AMER3: variants seen among roughly 807,000 people sequenced by gnomAD.
The protein encoded by AMER3 is APC membrane recruitment protein 3.
For synonymous variants in AMER3, 541 were observed against 485.5 expected (o/e 1.11, Z -1.50); for missense variants, 1,201 against 1,139.4 (o/e 1.05, Z -0.78).
rs769962147 is a variant in AMER3, at chr2:130,763,904, G to C, written c.1832G>C (p.Gly611Ala). 3.1e-6 allele frequency: 5 copies of C among 1,613,632 alleles called. No homozygotes were observed. Among genetic ancestry groups the C allele is most frequent in the Non-Finnish European group, 4.2e-6 (5 of 1,180,030 alleles). Reference protein sequence around the residue: ...REEETRGHSEGLFSSMESAAT... With the variant: ...REEETRGHSEALFSSMESAAT... The stretch of plus-strand genomic sequence containing the variant: ...GAAGAGACACGAGGTCACTCTGAAG[G>C]CTTGTTCTCCTCTATGGAGTCTGCA... The change falls in exon 2 of 2, where the codon GGC (glycine) becomes GCC (alanine). Residue 611 changes from glycine to alanine, a missense_variant. Physicochemically the swap from Gly to Ala is moderately conservative, Grantham distance 60. Coordinates refer to ENST00000321420, the MANE Select transcript of AMER3 (RefSeq NM_152698.3).
rs1678997067 is a variant in AMER3, at chr2:130,766,867, T to A, written c.*2209T>A. 6.0e-6 allele frequency: 1 copy of A among 167,032 alleles called. No individual in the cohort carries two copies. Among genetic ancestry groups the A allele is most frequent in the Non-Finnish European group, 1.5e-5 (1 of 68,132 alleles). 10.3% of individuals were successfully genotyped at this position (167,032 alleles called of 1,614,324 possible). On this transcript the variant is annotated 3_prime_UTR_variant, in exon 2 of 2. Transcript: ENST00000321420. ...CCCTTGTTGATGGGCAGTGCTAGATTATTTGTCACGAATCATCCCCTACAA... is the reference window on the plus strand; with the variant it reads ...CCCTTGTTGATGGGCAGTGCTAGATAATTTGTCACGAATCATCCCCTACAA...
In AMER3 at chr2:130,762,533, A is replaced by G. The variant is rs147347105; in HGVS notation, c.461A>G (p.Lys154Arg). Residue 154 changes from lysine to arginine, a missense_variant, in exon 2 of 2, where the codon AAG becomes AGG. By Grantham distance (26) the Lys-to-Arg change is conservative. Coordinates refer to ENST00000321420, the MANE Select transcript of AMER3 (RefSeq NM_152698.3). ...ATCCCGAGGAAGAGGATTTCCCTGA[A>G]GAGGCCCAAGAAGTGCTTTCGGAAC... ...KSIPRKRISLKRPKKCFRNLF... is the reference protein window; with the variant it reads ...KSIPRKRISLRRPKKCFRNLF... 95 of 1,613,358 alleles carry G rather than the reference A, an allele frequency of 5.9e-5. No homozygotes were observed. Among genetic ancestry groups the G allele is most frequent in the Non-Finnish European group, 7.4e-5 (87 of 1,180,016 alleles).
chr2:130,764,975 A>AC lies in AMER3; in HGVS notation c.*317_*318insC, dbSNP rs761947942. The AC allele has an allele frequency of 8.1e-5, 24 of 297,176 alleles. No individual in the cohort carries two copies. Among genetic ancestry groups the AC allele is most frequent in the Non-Finnish European group, 1.4e-4 (21 of 149,912 alleles). 18.4% of individuals were successfully genotyped at this position (297,176 alleles called of 1,614,324 possible). On this transcript the variant is annotated 3_prime_UTR_variant, in exon 2 of 2. Coordinates refer to ENST00000321420, the MANE Select transcript of AMER3 (RefSeq NM_152698.3). ...TGCACATTGTAAATGGGAAGCAGAG[A>AC]GCCAATGAGTCTGCCTGGGATGTGT... is the stretch of plus-strand genomic sequence containing the variant.
Position 130,764,652 on chromosome 2 carries a change from T to C in AMER3, c.2580T>C (p.His860=). 1.2e-6 allele frequency: 2 copies of C among 1,601,726 alleles called. No individual in the cohort carries two copies. The highest frequency in any genetic ancestry group is 2.2e-5 in the East Asian group (1 of 44,772). Residue 860 remains histidine, a synonymous_variant, in exon 2 of 2, where the codon CAT becomes CAC. Coordinates refer to ENST00000321420, the MANE Select transcript of AMER3 (RefSeq NM_152698.3). ...GASGPAMAEP[H]L is the part of the protein sequence containing the mutation. Reference sequence around the variant, plus strand: ...CTGGGCCAGCCATGGCTGAGCCCCATCTGTAGGACAGGCTCACATGCACCA... The same window carrying C: ...CTGGGCCAGCCATGGCTGAGCCCCACCTGTAGGACAGGCTCACATGCACCA...
rs1464940911 is a variant in AMER3, at chr2:130,762,630, C to T, written c.558C>T (p.Ser186=). 25 of 1,611,906 alleles carry T rather than the reference C, an allele frequency of 1.6e-5. No individual in the cohort carries two copies. Among genetic ancestry groups the T allele is most frequent in the Non-Finnish European group, 2.1e-5 (25 of 1,179,920 alleles). ...SLAAEGKSLP[S]PGDPSDPGGR... is the part of the protein sequence containing the mutation. ...CGGCCGAGGGGAAAAGCCTGCCCTC[C>T]CCAGGGGACCCGTCAGACCCTGGGG... The change falls in exon 2 of 2, where the codon TCC becomes TCT. Residue 186 remains serine (S), a synonymous_variant. Coordinates refer to ENST00000321420, the MANE Select transcript of AMER3 (RefSeq NM_152698.3).
chr2:130,764,348 C>T lies in AMER3; in HGVS notation c.2276C>T (p.Pro759Leu). ...VQDLSWLRVE[P>L]TGLGVQAWAS... ...GACCTGAGCTGGCTCAGGGTGGAGCCCACCGGGCTAGGTGTCCAGGCCTGG... is the reference window on the plus strand; with the variant it reads ...GACCTGAGCTGGCTCAGGGTGGAGCTCACCGGGCTAGGTGTCCAGGCCTGG... Residue 759 changes from proline to leucine, a missense_variant, in exon 2 of 2, where the codon CCC becomes CTC. Transcript: ENST00000321420. The T allele has an allele frequency of 6.2e-7, 1 of 1,610,720 alleles. No homozygotes were observed.
chr2:130,764,791 T>C lies in AMER3; in HGVS notation c.*133T>C, dbSNP rs1678938573. 2 of 1,137,268 alleles carry C rather than the reference T, an allele frequency of 1.8e-6. No individual in the cohort carries two copies. The highest frequency in any genetic ancestry group is 2.5e-6 in the Non-Finnish European group (2 of 815,086). 70.4% of individuals were successfully genotyped at this position (1,137,268 alleles called of 1,614,324 possible). ...GGTGGGGGGTGGCAGGACTCAGGCA[T>C]GCAGAGGGTAGCATGTTCATGTGGA... On this transcript the variant is annotated 3_prime_UTR_variant, in exon 2 of 2. Coordinates refer to ENST00000321420, the MANE Select transcript of AMER3 (RefSeq NM_152698.3).
In AMER3 at chr2:130,763,468, G is replaced by A. The variant is rs1414971675; in HGVS notation, c.1396G>A (p.Ala466Thr). Residue 466 changes from alanine (A) to threonine (T), a missense_variant, in exon 2 of 2, where the codon GCC (alanine) becomes ACC (threonine). Transcript: ENST00000321420. ...PLSICSFRVG[A>T]EENLAPAPGP... ...GTCCATATGCAGCTTCCGAGTGGGG[G>A]CCGAGGAGAACTTGGCCCCAGCACC... is the stretch of plus-strand genomic sequence containing the variant. 2.5e-6 allele frequency: 4 copies of A among 1,612,554 alleles called. No individual in the cohort carries two copies. Among genetic ancestry groups the A allele is most frequent in the Non-Finnish European group, 3.4e-6 (4 of 1,179,704 alleles).
intron 1 of AMER3, among the ~76,000 whole-genome samples, chr2:130,758,608 G>A (rs919400938): frequency 2.6e-5 from 4 of 152,196 alleles, no homozygotes; most frequent in Admixed American, 6.5e-5. Context: ...ATAGCTCACC[G>A]CCTACTATAG....
chr2:130,763,068 C>T lies in AMER3; in HGVS notation c.996C>T (p.Pro332=). The part of the protein sequence containing the change: ...RALLGPWLSG[P]QGTDRDQSRL... Reference sequence around the variant, plus strand: ...TCCTAGGCCCGTGGCTTTCAGGCCCCCAGGGGACAGACAGGGACCAATCCC... The same window carrying T: ...TCCTAGGCCCGTGGCTTTCAGGCCCTCAGGGGACAGACAGGGACCAATCCC... The change falls in exon 2 of 2, where the codon CCC becomes CCT. Residue 332 remains proline, a synonymous_variant. Coordinates refer to ENST00000321420, the MANE Select transcript of AMER3 (RefSeq NM_152698.3). The T allele has an allele frequency of 2.5e-6, 4 of 1,613,430 alleles. No individual in the cohort carries two copies. Among genetic ancestry groups the T allele is most frequent in the Non-Finnish European group, 3.4e-6 (4 of 1,180,002 alleles).
rs561610122 is a variant in AMER3, at chr2:130,763,266, C to G, written c.1194C>G (p.Asp398Glu). 1.2e-6 allele frequency: 2 copies of G among 1,613,834 alleles called. No individual in the cohort carries two copies. The highest frequency in any genetic ancestry group is 1.3e-5 in the African/African-American group (1 of 75,040). ...CCTTCTCGCCAGGACTTGAGGAGGA[C>G]AAGAAGGAAGCTGAGAGCCCAGGCA... ...YDSFSPGLEE[D>E]KKEAESPGTP... Residue 398 changes from aspartate to glutamate, a missense_variant, in exon 2 of 2, where the codon GAC (aspartate) becomes GAG (glutamate). Coordinates refer to ENST00000321420, the MANE Select transcript of AMER3 (RefSeq NM_152698.3).
In AMER3 at chr2:130,762,384, C is replaced by T. The variant is rs1439077012; in HGVS notation, c.312C>T (p.Ala104=). ...THDSMSGAGR[A]TAATGQLVGS... ...ACAGCATGTCTGGGGCAGGCAGGGC[C>T]ACGGCTGCCACAGGGCAGCTGGTGG... Residue 104 remains alanine, a synonymous_variant, in exon 2 of 2, where the codon GCC becomes GCT. Coordinates refer to ENST00000321420, the MANE Select transcript of AMER3 (RefSeq NM_152698.3). 7.4e-6 allele frequency: 12 copies of T among 1,610,930 alleles called. No individual in the cohort carries two copies. The East Asian group carries it at 2.5e-4, about 33-fold the overall frequency.
At position 130,764,851 on chromosome 2, in the gene AMER3, C is replaced by T. The variant is rs1678939978; in HGVS notation, c.*193C>T. Reference sequence around the variant, plus strand: ...GCCTGAACCCACCAGCTCAGGCAGCCCACCGCCAAAGACAGCGCGAAGCTG... The same window carrying T: ...GCCTGAACCCACCAGCTCAGGCAGCTCACCGCCAAAGACAGCGCGAAGCTG... On this transcript the variant is annotated 3_prime_UTR_variant, in exon 2 of 2. Transcript: ENST00000321420. The T allele has an allele frequency of 2.8e-6, 2 of 717,686 alleles. No homozygotes were observed. Among genetic ancestry groups the T allele is most frequent in the Non-Finnish European group, 4.6e-6 (2 of 437,744 alleles). 44.5% of individuals were successfully genotyped at this position (717,686 alleles called of 1,614,324 possible). A position where few individuals can be genotyped will look rare whatever the true frequency, so the allele number is the denominator to read the frequency against.
At chr2:130,760,378 A>T (rs1678741229) in intron 1 of AMER3, among the ~76,000 whole-genome samples, 1 of 152,322 alleles carries the variant, frequency 6.6e-6, no homozygotes, top group East Asian at 1.9e-4. Context: ...GCTATGAGGC[A>T]GTCCCTCGCC....
Position 130,762,902 on chromosome 2 carries a change from A to G in AMER3, c.830A>G (p.Gln277Arg). The change falls in exon 2 of 2, where the codon CAG (glutamine) becomes CGG (arginine). Residue 277 changes from glutamine to arginine, a missense_variant. Transcript: ENST00000321420. ...EGPESPTQAA[Q>R]GLESKVPRGP... ...CCGGAGAGCCCAACCCAGGCTGCTCAGGGCCTGGAGAGCAAGGTTCCCAGG... is the reference window on the plus strand; with the variant it reads ...CCGGAGAGCCCAACCCAGGCTGCTCGGGGCCTGGAGAGCAAGGTTCCCAGG... 1 of 1,612,996 alleles carries G rather than the reference A, an allele frequency of 6.2e-7. No homozygotes were observed. Among genetic ancestry groups the G allele is most frequent in the South Asian group, 1.1e-5 (1 of 91,082 alleles).
Position 130,762,607 on chromosome 2 carries a change from G to A in AMER3, c.535G>A (p.Ala179Thr), listed in dbSNP as rs936279743. The change falls in exon 2 of 2, where the codon GCC becomes ACC. Residue 179 changes from alanine (A) to threonine (T), a missense_variant. Physicochemically the swap from Ala to Thr is moderately conservative, Grantham distance 58. Transcript: ENST00000321420. ...NKTEDLASLA[A>T]EGKSLPSPGD... Reference sequence around the variant, plus strand: ...GACTGAGGACTTGGCCTCGCTGGCGGCCGAGGGGAAAAGCCTGCCCTCCCC... The same window carrying A: ...GACTGAGGACTTGGCCTCGCTGGCGACCGAGGGGAAAAGCCTGCCCTCCCC... 2.5e-6 allele frequency: 4 copies of A among 1,612,440 alleles called. No individual in the cohort carries two copies. In the Admixed American group the frequency reaches 5.0e-5, roughly 20 times the overall value.
Position 130,763,808 on chromosome 2 carries a change from C to G in AMER3, c.1736C>G (p.Ala579Gly). ...WAHPGTTGLL[A>G]GESKALGGAT... ...CACCCGGGCACCACAGGCCTGCTCG[C>G]CGGAGAGAGCAAGGCCCTCGGAGGG... The change falls in exon 2 of 2, where the codon GCC becomes GGC. Residue 579 changes from alanine to glycine, a missense_variant. Physicochemically the swap from Ala to Gly is moderately conservative, Grantham distance 60 (BLOSUM62 0). Coordinates refer to ENST00000321420, the MANE Select transcript of AMER3 (RefSeq NM_152698.3). The G allele has an allele frequency of 6.2e-7, 1 of 1,612,140 alleles. No individual in the cohort carries two copies. The highest frequency in any genetic ancestry group is 1.7e-5 in the Admixed American group (1 of 59,950).
chr2:130,763,474 G>A lies in AMER3; in HGVS notation c.1402G>A (p.Glu468Lys). ...ATGCAGCTTCCGAGTGGGGGCCGAG[G>A]AGAACTTGGCCCCAGCACCAGGCCC... ...SICSFRVGAE[E>K]NLAPAPGPDL... is the part of the protein sequence containing the mutation. Residue 468 changes from glutamate to lysine, a missense_variant, in exon 2 of 2, where the codon GAG becomes AAG. Physicochemically the swap from Glu to Lys is moderately conservative, Grantham distance 56. Coordinates refer to ENST00000321420, the MANE Select transcript of AMER3 (RefSeq NM_152698.3). 2 of 1,612,702 alleles carry A rather than the reference G, an allele frequency of 1.2e-6. No individual in the cohort carries two copies. The highest frequency in any genetic ancestry group is 1.7e-5 in the Admixed American group (1 of 60,030).
chr2:130,764,084 C>T lies in AMER3; in HGVS notation c.2012C>T (p.Pro671Leu), dbSNP rs745895436. The T allele has an allele frequency of 6.2e-7, 1 of 1,612,090 alleles. No individual in the cohort carries two copies. Among genetic ancestry groups the T allele is most frequent in the South Asian group, 1.1e-5 (1 of 90,780 alleles). ...GGAGGTGACACTCTGGATGCAGAGCCCATGCTGGCAGGCTGTGTGGCCCGT... is the reference window on the plus strand; with the variant it reads ...GGAGGTGACACTCTGGATGCAGAGCTCATGCTGGCAGGCTGTGTGGCCCGT... ...GHGGDTLDAE[P>L]MLAGCVARVA... The change falls in exon 2 of 2, where the codon CCC (proline) becomes CTC (leucine). Residue 671 changes from proline (P) to leucine (L), a missense_variant. Transcript: ENST00000321420.
Sources: allele counts gnomAD v4.1 joint callset (sites outside exome capture counted in the v4.1 genomes callset), GRCh38; gene constraint gnomAD v4.1.1; transcripts MANE v1.5; gene names NCBI Gene and HGNC (gene_info 2026-07-23, HGNC 2026-07-21).